The following ERBB4 variants were observed in gnomAD, a reference collection of about 807,000 sequenced individuals.
ERBB4 encodes the protein erb-b2 receptor tyrosine kinase 4.
Under a neutral mutation model 158.0 loss-of-function variants are expected in ERBB4, and 42 were observed. The ratio of observed to expected loss-of-function variants is 0.27; its 90% CI spans 0.21 to 0.34. The LOEUF (loss-of-function observed/expected upper bound fraction) is 0.34, where lower values mean the gene tolerates loss of function less well. ERBB4 is among the 10% of genes least tolerant of loss of function. The probability of loss-of-function intolerance (pLI) is 1.00; values close to 1 mark genes in which losing one functional copy is unlikely to be tolerated. For synonymous variants in ERBB4, 583 were observed against 558.7 expected, an observed-to-expected ratio of 1.04 and a Z score of -0.61; for missense variants, 1,333 against 1,624.1, an observed-to-expected ratio of 0.82 and a Z score of 3.08.
At chr2:211,657,677 C>G (rs1316881957) in intron 16 of ERBB4, 77 bp downstream of exon 16, 3 of 1,093,698 alleles carry the variant, frequency 2.7e-6, no homozygotes, top group South Asian at 1.2e-5. Flanking sequence ...TAAATTTAAC[C>G]CAACTGGTTA....
At chr2:211,853,911 G>C in intron 3 of ERBB4, among the ~76,000 whole-genome samples, 1 of 152,054 alleles carries the variant, frequency 6.6e-6, no homozygotes, top group East Asian at 1.9e-4. Context: ...TGTGAGATTG[G>C]TTATGTGTGT....
intron 3 of ERBB4, among the ~76,000 whole-genome samples, chr2:211,790,154 T>A (rs1261298988): frequency 6.6e-6 from 1 of 152,098 alleles, no homozygotes; most frequent in Non-Finnish European, 1.5e-5. Flanking sequence ...TAAGTTTTTA[T>A]CTACGAAATG....
intron 7 of ERBB4, among the ~76,000 whole-genome samples, chr2:211,718,966 A>T (rs1481637507): frequency 6.6e-6 from 1 of 152,220 alleles, no homozygotes; most frequent in Non-Finnish European, 1.5e-5. Flanking sequence ...ACCAGGGAAT[A>T]GGTCCTACAG....
intron 3 of ERBB4, among the ~76,000 whole-genome samples, chr2:211,842,173 T>C (rs146396388): frequency 1.2e-3 from 184 of 152,142 alleles, no homozygotes; most frequent in African/African-American, 4.3e-3. Flanking sequence ...TTTTTTTGAA[T>C]ATTGTTGCTT....
Position 212,379,169 on chromosome 2 carries a change from G to A in ERBB4, c.82+159280C>T, listed in dbSNP as rs73987394. Among the ~76,000 whole-genome samples, 961 of 151,764 alleles carry A rather than the reference G, an allele frequency of 6.3e-3. 8 individuals are homozygous for A. The highest frequency in any genetic ancestry group is 0.022 in the African/African-American group (913 of 41,492). On this transcript the variant is annotated intron_variant, in intron 1 of 27. Transcript: ENST00000342788. ...ATATTTTATTTGATTATCTAAAGAG[G>A]GGGAACAAATTCTAATTGTAGCAAA...
In ERBB4 at chr2:212,293,271, C is replaced by T. The variant is rs190583759; in HGVS notation, c.83-168368G>A. On this transcript the variant is annotated intron_variant, in intron 1 of 27. Coordinates refer to ENST00000342788, the MANE Select transcript of ERBB4 (RefSeq NM_005235.3). ...AAAAAGGATTTCAGAAAAACATTTA[C>T]TTAAAAAATCATAAATATTAATCAT... Among the ~76,000 whole-genome samples, 614 of 151,928 alleles carry T rather than the reference C, an allele frequency of 4.0e-3. 19 individuals are homozygous for T. Among genetic ancestry groups the T allele is most frequent in the Admixed American group, 0.033 (509 of 15,224 alleles).
chr2:211,924,759 C>A (rs1403489766), intron 3 of ERBB4, among the ~76,000 whole-genome samples: 1 of 151,782 alleles, frequency 6.6e-6, no homozygotes, highest in Non-Finnish European at 1.5e-5. Flanking sequence ...GTATTTATAC[C>A]AATAAAAATT....
chr2:211,963,220 T>C (rs750029242), intron 2 of ERBB4, among the ~76,000 whole-genome samples: 4 of 152,026 alleles, frequency 2.6e-5, no homozygotes, highest in Non-Finnish European at 5.9e-5. Flanking sequence ...TGGAGGGTGA[T>C]ACTGGCATCT....
Position 211,849,480 on chromosome 2 carries a change from T to A in ERBB4, c.422-61321A>T, listed in dbSNP as rs530005956. On this transcript the variant is annotated intron_variant, in intron 3 of 27. Coordinates refer to ENST00000342788, the MANE Select transcript of ERBB4 (RefSeq NM_005235.3). Reference sequence around the variant, plus strand: ...TATAGTAATAACACATAATTATTTTTTCTGTGCAATGTTTAATTATTAAAG... The same window carrying A: ...TATAGTAATAACACATAATTATTTTATCTGTGCAATGTTTAATTATTAAAG... Among the ~76,000 whole-genome samples, 300 of 152,070 alleles carry A rather than the reference T, an allele frequency of 2.0e-3. 3 individuals carry two copies. Among genetic ancestry groups the A allele is most frequent in the African/African-American group, 6.9e-3 (288 of 41,534 alleles).
At chr2:211,884,073 A>G (rs1376429207) in intron 3 of ERBB4, among the ~76,000 whole-genome samples, 2 of 152,168 alleles carry the variant, frequency 1.3e-5, no homozygotes, top group Admixed American at 6.5e-5. Context: ...CAATATAAAC[A>G]TAATTGCTCC....
intron 1 of ERBB4, among the ~76,000 whole-genome samples, chr2:212,416,952 T>C (rs930050244): frequency 2.0e-5 from 3 of 152,102 alleles, no homozygotes; most frequent in Non-Finnish European, 2.9e-5. Flanking sequence ...TGATAAGGGC[T>C]TTGATAAGAT....
At chr2:211,585,699 T>C (rs562003757) in intron 19 of ERBB4, among the ~76,000 whole-genome samples, 5 of 152,128 alleles carry the variant, frequency 3.3e-5, no homozygotes, top group African/African-American at 4.8e-5. Flanking sequence ...TTTGAGCAAA[T>C]AGGGTTTTAA....
At chr2:212,384,920 T>TATATATATATAC (rs764463489) in intron 1 of ERBB4, among the ~76,000 whole-genome samples, 84 of 123,750 alleles carry the variant, frequency 6.8e-4, no homozygotes, top group African/African-American at 1.2e-3. Flanking sequence ...TATATATATA[T>TATATATATATAC]ACACACACAC....
chr2:211,889,599 A>G (rs1256402210), intron 3 of ERBB4, among the ~76,000 whole-genome samples: 1 of 150,924 alleles, frequency 6.6e-6, no homozygotes, highest in Non-Finnish European at 1.5e-5. Flanking sequence ...CAGACGATCA[A>G]ATTACTCCGA....
intron 19 of ERBB4, among the ~76,000 whole-genome samples, chr2:211,569,269 TC>T (rs1376332447): frequency 1.3e-5 from 2 of 152,224 alleles, no homozygotes; most frequent in African/African-American, 4.8e-5. Flanking sequence ...CTTTCTGTTT[TC>T]CCTCTTTTTT....
At chr2:211,993,703 C>A (rs1354448964) in intron 2 of ERBB4, among the ~76,000 whole-genome samples, 15 of 149,832 alleles carry the variant, frequency 1.0e-4, no homozygotes, top group African/African-American at 3.7e-4. Flanking sequence ...ATTTTTGCCC[C>A]CGGTTATCTA....
At chr2:212,191,952 T>C (rs1010259571) in intron 1 of ERBB4, among the ~76,000 whole-genome samples, 14 of 112,256 alleles carry the variant, frequency 1.2e-4, no homozygotes, top group Non-Finnish European at 1.7e-4. Flanking sequence ...GCATATGTTA[T>C]ATATGTTATA....
intron 2 of ERBB4, among the ~76,000 whole-genome samples, chr2:211,979,798 A>G (rs1164532193): frequency 6.6e-6 from 1 of 152,098 alleles, no homozygotes; most frequent in Non-Finnish European, 1.5e-5. Context: ...TTATCTGTTT[A>G]CCTCTGATTC....
intron 12 of ERBB4, among the ~76,000 whole-genome samples, chr2:211,694,601 T>C (rs2072945210): frequency 6.6e-6 from 1 of 151,906 alleles, no homozygotes; most frequent in South Asian, 2.1e-4. Flanking sequence ...GATGTATTAC[T>C]CTAGTAATTT....
Sources: gnomAD v4.1 joint callset for allele counts (sites outside exome capture counted in the v4.1 genomes callset) on GRCh38, gnomAD v4.1.1 for gene constraint, MANE v1.5 for transcripts, NCBI Gene and HGNC (gene_info 2026-07-23, HGNC 2026-07-21) for gene names.